SUFU: variants seen among roughly 807,000 people sequenced by gnomAD.
SUFU encodes suppressor of fused homolog.
SUFU carries 7 observed loss-of-function variants against 58.9 expected under a neutral mutation model. That is an observed-to-expected ratio of 0.12 (90% CI 0.07 to 0.22). SUFU has a LOEUF of 0.22. Ranked by LOEUF, SUFU falls within the 10% of genes least tolerant of loss-of-function variation. The pLI is 1.00. For synonymous variants in SUFU, 232 were observed against 254.8 expected, an observed-to-expected ratio of 0.91 and a Z score of 0.85; for missense variants, 451 against 641.3, an observed-to-expected ratio of 0.70 and a Z score of 3.20.
chr10:102,617,473 C>T lies in SUFU; in HGVS notation c.1296+45C>T. The T allele has an allele frequency of 6.2e-7, 1 of 1,613,602 alleles. No individual in the cohort carries two copies. The highest frequency in any genetic ancestry group is 8.5e-7 in the Non-Finnish European group (1 of 1,179,536). ...TCTCCCTCCTTCCTTTCATAGACTT[C>T]CTTGCCCACCCCTCCTCTTCTCCCT... On this transcript the variant is annotated intron_variant, in intron 10 of 11. Coordinates refer to ENST00000369902, the MANE Select transcript of SUFU (RefSeq NM_016169.4). This position sits in a 1 kb window ranked among gnomAD's most constrained non-coding sequence, Gnocchi z 4.4.
At chr10:102,562,869 C>T (rs896380079) in intron 3 of SUFU, among the ~76,000 whole-genome samples, 9 of 152,148 alleles carry the variant, frequency 5.9e-5, no homozygotes, top group African/African-American at 1.4e-4. Flanking sequence ...CTAGCCTGGG[C>T]GACAGAGTGA....
intron 2 of SUFU, among the ~76,000 whole-genome samples, chr10:102,532,516 T>C (rs562723923): frequency 6.6e-6 from 1 of 152,334 alleles, no homozygotes; most frequent in African/African-American, 2.4e-5. Context: ...CATCCTCATC[T>C]GGGGCTCCAG....
At chr10:102,564,118 T>G (rs1207337750) in intron 3 of SUFU, among the ~76,000 whole-genome samples, 1 of 152,224 alleles carries the variant, frequency 6.6e-6, no homozygotes, top group Non-Finnish European at 1.5e-5. Flanking sequence ...TCCTCTTCCC[T>G]GCCCTGCAGG....
At chr10:102,589,442 CTTTTTTTTTT>C (rs747625757) in intron 3 of SUFU, among the ~76,000 whole-genome samples, 11 of 65,368 alleles carry the variant, frequency 1.7e-4, no homozygotes, top group Admixed American at 2.7e-4. Flanking sequence ...TTCTTTCTTT[CTTTTTTTTTT>C]TTTTTTTTTT....
At chr10:102,571,092 A>T (rs1365460206) in intron 3 of SUFU, among the ~76,000 whole-genome samples, 3 of 152,222 alleles carry the variant, frequency 2.0e-5, no homozygotes, top group Admixed American at 2.0e-4. Flanking sequence ...AAGGTTACAC[A>T]GTAAGAAAAT....
intron 2 of SUFU, among the ~76,000 whole-genome samples, chr10:102,536,502 T>C (rs1374038289): frequency 6.6e-6 from 1 of 151,246 alleles, no homozygotes; most frequent in Non-Finnish European, 1.5e-5. Context: ...TAGCTGGGAC[T>C]ACAGGCGCCT....
intron 10 of SUFU, among the ~76,000 whole-genome samples, chr10:102,620,661 A>C (rs2063732208): frequency 6.6e-6 from 1 of 152,172 alleles, no homozygotes; most frequent in African/African-American, 2.4e-5. Context: ...GGGGCTGTGC[A>C]GGAGGCTCTT....
At chr10:102,559,166 A>G (rs971838290) in intron 3 of SUFU, among the ~76,000 whole-genome samples, 1 of 152,204 alleles carries the variant, frequency 6.6e-6, no homozygotes, top group Non-Finnish European at 1.5e-5. Flanking sequence ...TTTCTGTCCT[A>G]TGTCCTTTAA....
chr10:102,623,633 C>T (rs1007391885), intron 10 of SUFU, among the ~76,000 whole-genome samples: 8 of 152,192 alleles, frequency 5.3e-5, no homozygotes, highest in African/African-American at 1.4e-4. Flanking sequence ...ATCAGATAGC[C>T]GTTCCTCTAA....
At chr10:102,618,123 A>G (rs2063705965) in intron 10 of SUFU, 1 of 153,160 alleles carries the variant, frequency 6.5e-6, no homozygotes, top group African/African-American at 2.4e-5. Context: ...CTACTCCACC[A>G]CACTCCCGAG....
chr10:102,538,286 CAGTT>C (rs1366836234), intron 2 of SUFU, among the ~76,000 whole-genome samples: 1 of 151,960 alleles, frequency 6.6e-6, no homozygotes, highest in Non-Finnish European at 1.5e-5. Flanking sequence ...ACTTGTAGAA[CAGTT>C]AGATTGTTTC....
intron 8 of SUFU, among the ~76,000 whole-genome samples, chr10:102,603,712 TC>T (rs2063536141): frequency 6.6e-6 from 1 of 152,080 alleles, no homozygotes; most frequent in African/African-American, 2.4e-5. Flanking sequence ...TTGCAACACC[TC>T]CCCAACATAC....
At chr10:102,575,465 A>G (rs1163759038) in intron 3 of SUFU, among the ~76,000 whole-genome samples, 2 of 152,198 alleles carry the variant, frequency 1.3e-5, no homozygotes, top group Non-Finnish European at 2.9e-5. Context: ...GGGACATCAC[A>G]TGGCAAGGAG....
intron 3 of SUFU, among the ~76,000 whole-genome samples, chr10:102,558,122 G>A (rs913166944): frequency 2.6e-5 from 4 of 152,026 alleles, no homozygotes; most frequent in South Asian, 2.1e-4. Flanking sequence ...GGCTGGTCTC[G>A]AACTCCTGAC....
intron 3 of SUFU, among the ~76,000 whole-genome samples, chr10:102,568,091 A>G (rs1346892208): frequency 7.3e-6 from 1 of 136,366 alleles, no homozygotes; most frequent in Non-Finnish European, 1.6e-5. Flanking sequence ...CCCCAAACAA[A>G]TATAACATTA....
rs2063699294 is a variant in SUFU at position 102,617,514 on chromosome 10, G to A, written c.1296+86G>A. 1 of 1,579,928 alleles carries A rather than the reference G, an allele frequency of 6.3e-7. No homozygotes were observed. The highest frequency in any genetic ancestry group is 8.7e-7 in the Non-Finnish European group (1 of 1,149,882). On this transcript the variant is annotated intron_variant, in intron 10 of 11. Coordinates refer to ENST00000369902, the MANE Select transcript of SUFU (RefSeq NM_016169.4). The surrounding 1 kb of genome is among the most constrained non-coding windows in gnomAD (Gnocchi z 4.4). ...TCTTCTCCCTTGGCAGCTCTTGATG[G>A]CACCCCTTCCTGGGGGGCTGGTCAT...
At chr10:102,599,653 G>C (rs2135889656) in intron 8 of SUFU, 109 bp downstream of exon 8, 1 of 962,710 alleles carries the variant, frequency 1.0e-6, no homozygotes, top group Middle Eastern at 2.5e-4. Context: ...CTTGCTGGAT[G>C]GGCCCAGGAT....
intron 3 of SUFU, among the ~76,000 whole-genome samples, chr10:102,556,044 T>C (rs1443604546): frequency 1.3e-5 from 2 of 152,142 alleles, no homozygotes; most frequent in African/African-American, 4.8e-5. Context: ...ATCAAGCAAG[T>C]GAACTGTTTA....
intron 8 of SUFU, among the ~76,000 whole-genome samples, chr10:102,610,650 C>T (rs763001847): frequency 6.6e-6 from 1 of 152,170 alleles, no homozygotes; most frequent in Admixed American, 6.5e-5. Flanking sequence ...CTGCCTAGCC[C>T]TTTCCTGTTT....
Sources: allele counts gnomAD v4.1 joint callset (sites outside exome capture counted in the v4.1 genomes callset), GRCh38; gene constraint gnomAD v4.1.1; non-coding constraint Gnocchi (gnomAD v3.1); transcripts MANE v1.5; gene names NCBI Gene and HGNC (gene_info 2026-07-23, HGNC 2026-07-21).